The following ETS1 variants were observed in gnomAD, a reference collection of about 807,000 sequenced individuals.
ETS1 encodes ETS proto-oncogene 1, transcription factor.
In ETS1, 15 loss-of-function variants were observed where a neutral mutation model predicts 58.6. That is an observed-to-expected ratio of 0.26 (90% CI 0.17 to 0.39). ETS1 has a LOEUF of 0.39. ETS1 is among the 10% of genes least tolerant of loss of function. The probability of loss-of-function intolerance (pLI) is 1.00; values close to 1 mark genes in which losing one functional copy is unlikely to be tolerated. For missense variants in ETS1, 417 were observed against 610.5 expected (o/e 0.68, Z 3.34); for synonymous variants, 214 against 218.2 (o/e 0.98, Z 0.17).
At chr11:128,527,316 G>T in intron 3 of ETS1, 1 of 192,954 alleles carries the variant, frequency 5.2e-6, no homozygotes, top group South Asian at 7.7e-5. Context: ...CAACAATGTG[G>T]GGTGGATTGG....
intron 2 of ETS1, among the ~76,000 whole-genome samples, chr11:128,562,726 G>A (rs561080622): frequency 5.3e-5 from 8 of 152,218 alleles, no homozygotes; most frequent in Middle Eastern, 3.4e-3. Context: ...CACCTGGGCC[G>A]ACCACCACCA....
intron 3 of ETS1, among the ~76,000 whole-genome samples, chr11:128,555,449 A>T (rs765777053): frequency 6.6e-6 from 1 of 152,198 alleles, no homozygotes; most frequent in African/African-American, 2.4e-5. Flanking sequence ...AAGAGTAATG[A>T]CATTTTTATG....
At chr11:128,513,448 C>T (rs763959589) in intron 3 of ETS1, among the ~76,000 whole-genome samples, 1 of 152,212 alleles carries the variant, frequency 6.6e-6, no homozygotes, top group Non-Finnish European at 1.5e-5. Context: ...CCAACACTCC[C>T]GACTCTCCAG....
At position 128,461,654 on chromosome 11, in the gene ETS1, A is replaced by G. The variant is rs1861907982; in HGVS notation, c.*707T>C. The G allele has an allele frequency of 6.5e-6, 1 of 152,782 alleles. No homozygotes were observed. The highest frequency in any genetic ancestry group is 6.5e-5 in the Admixed American group (1 of 15,282). The allele number at this position is 152,782 out of a possible 1,614,324, so 9.5% of individuals were successfully genotyped here. Reference sequence around the variant, plus strand: ...TGCTTTTCCAATGGGGTCTATATAAACAGTTTTCTTTCATTGTGACAGAAT... The same window carrying G: ...TGCTTTTCCAATGGGGTCTATATAAGCAGTTTTCTTTCATTGTGACAGAAT... On this transcript the variant is annotated 3_prime_UTR_variant, in exon 10 of 10. Transcript: ENST00000392668.
At position 128,549,668 on chromosome 11, in the gene ETS1, G is replaced by T. The variant is rs187149824; in HGVS notation, c.214+6623C>A. ...TCCACGAACCCAGCCCAGAGGCTTC[G>T]GTTTGTCTGTCTTGGTTTCCTTCCT... is the stretch of plus-strand genomic sequence containing the variant. On this transcript the variant is annotated intron_variant, in intron 3 of 9. Coordinates refer to ENST00000392668, the MANE Select transcript of ETS1 (RefSeq NM_001143820.2). The surrounding 1 kb of genome is among the most constrained non-coding windows in gnomAD (Gnocchi z 4.3). 6.6e-6 allele frequency among the ~76,000 whole-genome samples: 1 copy of T among 152,250 alleles called. No individual in the cohort carries two copies. The highest frequency in any genetic ancestry group is 1.5e-5 in the Non-Finnish European group (1 of 68,028).
chr11:128,539,950 T>G (rs1246951179), intron 3 of ETS1, among the ~76,000 whole-genome samples: 2 of 152,096 alleles, frequency 1.3e-5, no homozygotes, highest in Non-Finnish European at 2.9e-5. Context: ...GCTGTTGAGG[T>G]GTGGAGACAG....
intron 1 of ETS1, among the ~76,000 whole-genome samples, chr11:128,585,756 C>T (rs1865019939): frequency 6.6e-6 from 1 of 152,188 alleles, no homozygotes; most frequent in Non-Finnish European, 1.5e-5. Context: ...TGATTGCTCA[C>T]CTTTTAGAGA....
chr11:128,585,454 C>T (rs1042186305), intron 1 of ETS1, among the ~76,000 whole-genome samples: 30 of 152,112 alleles, frequency 2.0e-4, no homozygotes, highest in African/African-American at 2.4e-5. Flanking sequence ...ATGATAGTCA[C>T]TATGGAAAAC....
At position 128,551,496 on chromosome 11, in the gene ETS1, T is replaced by C. The variant is rs181004202; in HGVS notation, c.214+4795A>G. Among the ~76,000 whole-genome samples the C allele has an allele frequency of 3.9e-5, 6 of 152,356 alleles. 1 individual carries two copies. The highest frequency in any genetic ancestry group is 3.3e-4 in the Admixed American group (5 of 15,306). On this transcript the variant is annotated intron_variant, in intron 3 of 9. Transcript: ENST00000392668. The stretch of plus-strand genomic sequence containing the variant: ...TCCACCATTTTGTTAGTAAATTTGT[T>C]TTAGAGATTTTAGTGAGATCCAAAG...
intron 7 of ETS1, among the ~76,000 whole-genome samples, chr11:128,483,410 G>A (rs1367258103): frequency 6.6e-6 from 1 of 152,178 alleles, no homozygotes; most frequent in African/African-American, 2.4e-5. Context: ...TCACTGTGTA[G>A]ATGTACAGAA....
intron 3 of ETS1, among the ~76,000 whole-genome samples, chr11:128,513,955 T>A (rs909207620): frequency 6.6e-6 from 1 of 152,102 alleles, no homozygotes; most frequent in African/African-American, 2.4e-5. Flanking sequence ...TACTAATGCA[T>A]CACACAACTC....
At chr11:128,577,684 C>A (rs923278311) in intron 1 of ETS1, among the ~76,000 whole-genome samples, 5 of 152,186 alleles carry the variant, frequency 3.3e-5, no homozygotes, top group African/African-American at 1.2e-4. Flanking sequence ...GGTCTTCAGC[C>A]TCCTCCTGTG....
intron 9 of ETS1, 88 bp from the exon 10 acceptor site, chr11:128,462,664 C>T (rs1861934000): frequency 1.1e-6 from 1 of 930,420 alleles, no homozygotes; most frequent in South Asian, 1.5e-5. Flanking sequence ...TATGCTATAC[C>T]CATTCATGGT....
rs1861882304 is a variant in ETS1 at position 128,460,546 on chromosome 11, A to G, written c.*1815T>C. The G allele has an allele frequency of 6.6e-6, 1 of 152,366 alleles. No individual in the cohort carries two copies. Among genetic ancestry groups the G allele is most frequent in the African/African-American group, 2.4e-5 (1 of 41,462 alleles). 9.4% of individuals were successfully genotyped at this position (152,366 alleles called of 1,614,324 possible). A position where few individuals can be genotyped will look rare whatever the true frequency, so the allele number is the denominator to read the frequency against. ...TTCTTTCCTTCTCTCATGGAAGTCC[A>G]TAAAAGCCACCCCTCCTCCTTATCC... is the stretch of plus-strand genomic sequence containing the variant. On this transcript the variant is annotated 3_prime_UTR_variant, in exon 10 of 10. Coordinates refer to ENST00000392668, the MANE Select transcript of ETS1 (RefSeq NM_001143820.2).
At chr11:128,481,127 A>G (rs902571142) in intron 7 of ETS1, among the ~76,000 whole-genome samples, 2 of 148,316 alleles carry the variant, frequency 1.3e-5, no homozygotes, top group African/African-American at 5.1e-5. Context: ...CACACACACT[A>G]TCACTCTTCT....
intron 3 of ETS1, among the ~76,000 whole-genome samples, chr11:128,520,231 T>C (rs1424401257): frequency 6.6e-6 from 1 of 152,236 alleles, no homozygotes; most frequent in East Asian, 1.9e-4. Flanking sequence ...GTCTCTAATA[T>C]TTAATATTAA....
chr11:128,568,362 G>A (rs915568053), intron 2 of ETS1, among the ~76,000 whole-genome samples: 9 of 152,242 alleles, frequency 5.9e-5, no homozygotes, highest in Non-Finnish European at 1.0e-4. Context: ...GGAGAATGAC[G>A]CATGAGAGGA....
intron 5 of ETS1, 142 bp from the exon 6 acceptor site, chr11:128,486,288 G>A (rs1862630083): frequency 1.7e-6 from 1 of 598,602 alleles, no homozygotes; most frequent in Non-Finnish European, 3.0e-6. Flanking sequence ...GTTGGTATCT[G>A]AGTCTGTCCT....
chr11:128,510,714 C>T (rs1863370580), intron 3 of ETS1, among the ~76,000 whole-genome samples: 1 of 152,202 alleles, frequency 6.6e-6, no homozygotes, highest in Non-Finnish European at 1.5e-5. Context: ...AGGTGTACCG[C>T]CCAACTTCCC....
Sources: allele counts gnomAD v4.1 joint callset (sites outside exome capture counted in the v4.1 genomes callset), GRCh38; gene constraint gnomAD v4.1.1; non-coding constraint Gnocchi (gnomAD v3.1); transcripts MANE v1.5; gene names NCBI Gene and HGNC (gene_info 2026-07-23, HGNC 2026-07-21).